TRAPPC10: variants seen among roughly 807,000 people sequenced by gnomAD.
TRAPPC10 encodes the protein TRAPP 130 kDa subunit.
TRAPPC10 carries 23 observed loss-of-function variants against 125.5 expected under a neutral mutation model. That is an observed-to-expected ratio of 0.18 (90% CI 0.13 to 0.26). The LOEUF (loss-of-function observed/expected upper bound fraction) is 0.26, where lower values mean the gene tolerates loss of function less well. Ranked by LOEUF, TRAPPC10 falls within the 10% of genes least tolerant of loss-of-function variation. TRAPPC10 has a pLI of 1.00. For missense variants in TRAPPC10, 1,123 were observed against 1,308.4 expected (o/e 0.86, Z 2.19); for synonymous variants, 509 against 518.0 (o/e 0.98, Z 0.24).
At chr21:44,038,577 T>C (rs2034168723) in intron 3 of TRAPPC10, among the ~76,000 whole-genome samples, 1 of 152,114 alleles carries the variant, frequency 6.6e-6, no homozygotes. Flanking sequence ...TGGTTGTGTA[T>C]TCATGAATCC....
intron 1 of TRAPPC10, among the ~76,000 whole-genome samples, chr21:44,015,661 C>T (rs2031749534): frequency 6.6e-6 from 1 of 150,756 alleles, no homozygotes; most frequent in Non-Finnish European, 1.5e-5. Context: ...CTTGCCCAGG[C>T]TGGAGTGCAG....
intron 1 of TRAPPC10, among the ~76,000 whole-genome samples, chr21:44,029,349 C>T (rs1024560402): frequency 1.3e-5 from 2 of 152,222 alleles, no homozygotes; most frequent in Admixed American, 6.5e-5. Context: ...CCACCTCGGC[C>T]TCCCAATCTG....
chr21:44,083,351 C>G (rs540423815), intron 14 of TRAPPC10, 49 bp downstream of exon 14: 3 of 1,578,676 alleles, frequency 1.9e-6, no homozygotes, highest in African/African-American at 2.7e-5. Flanking sequence ...AAAGCAGGGC[C>G]GTGGAGCTTA....
intron 1 of TRAPPC10, among the ~76,000 whole-genome samples, chr21:44,021,150 C>T (rs945333831): frequency 6.6e-6 from 1 of 152,236 alleles, no homozygotes. Flanking sequence ...ATACCCAGCA[C>T]TGTCTTTGCT....
chr21:44,090,640 G>C (rs1201054117), intron 18 of TRAPPC10, among the ~76,000 whole-genome samples: 2 of 152,228 alleles, frequency 1.3e-5, no homozygotes, highest in African/African-American at 4.8e-5. Flanking sequence ...TGACTGCACC[G>C]GGAGGCCCAC....
chr21:44,093,096 C>T (rs1022601897), intron 19 of TRAPPC10, among the ~76,000 whole-genome samples: 1 of 152,182 alleles, frequency 6.6e-6, no homozygotes, highest in Non-Finnish European at 1.5e-5. Context: ...CACCTCTAGC[C>T]AAGATGTACT....
At chr21:44,034,343 C>G (rs1415868481) in intron 2 of TRAPPC10, among the ~76,000 whole-genome samples, 7 of 138,556 alleles carry the variant, frequency 5.1e-5, no homozygotes, top group South Asian at 2.5e-4. Context: ...CCCCCCCCCC[C>G]ACCCCCGCCG....
At chr21:44,075,195 G>A (rs1219167392) in intron 9 of TRAPPC10, 42 bp downstream of exon 9, 2 of 1,413,542 alleles carry the variant, frequency 1.4e-6, no homozygotes, top group African/African-American at 1.4e-5. Context: ...GAGGTGGACA[G>A]TAATGAAAAT....
At chr21:44,072,550 G>A (rs2036955946) in intron 7 of TRAPPC10, among the ~76,000 whole-genome samples, 2 of 152,238 alleles carry the variant, frequency 1.3e-5, no homozygotes, top group East Asian at 1.9e-4. Flanking sequence ...CGCAACCTCC[G>A]CCTCCCGGGT....
Position 44,063,254 on chromosome 21 carries a change from T to C in TRAPPC10, c.791-284T>C, listed in dbSNP as rs1254207948. On this transcript the variant is annotated intron_variant, in intron 6 of 22. Transcript: ENST00000291574. This position sits in a 1 kb window ranked among gnomAD's most constrained non-coding sequence, Gnocchi z 4.4. ...GACAGAGCCTGAGCTCCCCTAACCA[T>C]GTAGCCTGTCTGTCTCTGGGTGACT... is the stretch of plus-strand genomic sequence containing the variant. 1.2e-5 allele frequency: 15 copies of C among 1,254,094 alleles called. No individual in the cohort carries two copies. Among genetic ancestry groups the C allele is most frequent in the Non-Finnish European group, 1.5e-5 (15 of 978,684 alleles). The allele number at this position is 1,254,094 out of a possible 1,614,324, so 77.7% of individuals were successfully genotyped here.
chr21:44,032,152 A>G lies in TRAPPC10; in HGVS notation c.129A>G (p.Arg43=). 6.2e-7 allele frequency: 1 copy of G among 1,613,986 alleles called. No individual in the cohort carries two copies. The highest frequency in any genetic ancestry group is 8.5e-7 in the Non-Finnish European group (1 of 1,179,934). The change falls in exon 2 of 23, where the codon AGA becomes AGG. Residue 43 remains arginine (R), a synonymous_variant. Coordinates refer to ENST00000291574, the MANE Select transcript of TRAPPC10 (RefSeq NM_003274.5). ...CAACGCTCTCTCAGCAGCTTCCAAG[A>G]GAACCAATGGAATGGAGAAGGTATG... ...VYPTLSQQLP[R]EPMEWRRSYG...
At chr21:44,094,388 G>C (rs1289169137) in intron 20 of TRAPPC10, among the ~76,000 whole-genome samples, 155 bp downstream of exon 20, 2 of 152,174 alleles carry the variant, frequency 1.3e-5, no homozygotes, top group East Asian at 3.8e-4. Context: ...ATCATTGACT[G>C]TCTTTATTTT....
chr21:44,083,235 C>T lies in TRAPPC10; in HGVS notation c.2171C>T (p.Ala724Val). Residue 724 changes from alanine to valine, a missense_variant, in exon 14 of 23, where the codon GCC becomes GTC. By Grantham distance (64) the Ala-to-Val change is moderately conservative. This residue lies in a region of TRAPPC10 where 840 missense variants were observed against 902.0 expected (regional missense o/e 0.93). Transcript: ENST00000291574. ...TCAGGGGTGGCTCTGGAGGAGGGTG[C>T]CCACGTGCTGAGGTGCAGCCACGTG... ...MPSGVALEEG[A>V]HVLRCSHVTL... is the part of the protein sequence containing the mutation. 1 of 1,614,064 alleles carries T rather than the reference C, an allele frequency of 6.2e-7. No individual in the cohort carries two copies. The highest frequency in any genetic ancestry group is 1.7e-5 in the Admixed American group (1 of 60,026).
In TRAPPC10 at chr21:44,086,917, G is replaced by A. The variant is rs1233231045; in HGVS notation, c.2496G>A (p.Leu832=). 6.2e-7 allele frequency: 1 copy of A among 1,614,182 alleles called. No individual in the cohort carries two copies. Among genetic ancestry groups the A allele is most frequent in the South Asian group, 1.1e-5 (1 of 91,082 alleles). The change falls in exon 16 of 23, where the codon CTG becomes CTA. Residue 832 remains leucine (L), a synonymous_variant. Transcript: ENST00000291574. ...QLSNAEAMLI[L]CQAESRAVVY... ...GCAATGCCGAAGCCATGCTCATCCTGTGCCAGGCGGAGAGCAGGGCTGTGG... is the reference window on the plus strand; with the variant it reads ...GCAATGCCGAAGCCATGCTCATCCTATGCCAGGCGGAGAGCAGGGCTGTGG...
At chr21:44,055,368 T>C (rs1378505203) in intron 4 of TRAPPC10, among the ~76,000 whole-genome samples, 1 of 152,044 alleles carries the variant, frequency 6.6e-6, no homozygotes, top group Non-Finnish European at 1.5e-5. Flanking sequence ...GGCAGGAGGA[T>C]TGTTTGAGCC....
chr21:44,024,470 T>G (rs1363765509), intron 1 of TRAPPC10, among the ~76,000 whole-genome samples: 2 of 152,218 alleles, frequency 1.3e-5, no homozygotes, highest in Non-Finnish European at 2.9e-5. Context: ...GCTTTATCCC[T>G]CATTACATAG....
intron 15 of TRAPPC10, 135 bp from the exon 16 acceptor site, chr21:44,086,664 TAGA>T (rs1162337255): frequency 1.2e-5 from 11 of 904,132 alleles, no homozygotes; most frequent in African/African-American, 1.7e-5. Context: ...GGAATGGAAG[TAGA>T]AGGAATTCAT....
In TRAPPC10 at chr21:44,018,449, C is replaced by A. The variant is rs369663712; in HGVS notation, c.67+5889C>A. On this transcript the variant is annotated intron_variant, in intron 1 of 22. Transcript: ENST00000291574. ...GGCGCAGTGACTCATGGCCATAATC[C>A]CAGCACTTTGGGAGGCCAAGGTGGG... is the stretch of plus-strand genomic sequence containing the variant. 2.0e-5 allele frequency among the ~76,000 whole-genome samples: 3 copies of A among 152,014 alleles called. No individual in the cohort carries two copies. The East Asian group carries it at 5.8e-4, about 29-fold the overall frequency.
In TRAPPC10 at chr21:44,079,821, A is replaced by T. The variant is rs193016092; in HGVS notation, c.1610+117A>T. 1.3e-4 allele frequency: 155 copies of T among 1,182,642 alleles called. No individual in the cohort carries two copies. In the African/African-American group the frequency reaches 2.2e-3, roughly 17 times the overall value. The allele number at this position is 1,182,642 out of a possible 1,614,324, so 73.3% of individuals were successfully genotyped here. ...TAAGGAGAGAAAAGTCCTAACTTAT[A>T]CATATGTATTGTATAGAAAATGAAT... On this transcript the variant is annotated intron_variant, in intron 12 of 22. Transcript: ENST00000291574.
Sources: allele counts gnomAD v4.1 joint callset (sites outside exome capture counted in the v4.1 genomes callset), GRCh38; gene constraint gnomAD v4.1.1; regional missense constraint gnomAD v4.1.1; non-coding constraint Gnocchi (gnomAD v3.1); transcripts MANE v1.5; gene names NCBI Gene and HGNC (gene_info 2026-07-23, HGNC 2026-07-21).